Variants in PPP3CA observed in about 807,000 individuals in gnomAD.
The protein encoded by PPP3CA is protein phosphatase 3 catalytic subunit alpha.
In PPP3CA, 14 loss-of-function variants were observed where a neutral mutation model predicts 66.5. The observed-to-expected ratio is 0.21, with a 90% CI of 0.14 to 0.33. The LOEUF (loss-of-function observed/expected upper bound fraction) is 0.33, where lower values mean the gene tolerates loss of function less well. PPP3CA is among the 10% of genes least tolerant of loss of function. The pLI, the probability that PPP3CA is intolerant of heterozygous loss-of-function variation, is 1.00. For synonymous variants in PPP3CA, 232 were observed against 226.2 expected (o/e 1.03, Z -0.23); for missense variants, 317 against 639.5 (o/e 0.50, Z 5.44).
chr4:101,347,343 G>A lies in PPP3CA; in HGVS notation c.-547C>T, dbSNP rs1578209678. 9.8e-6 allele frequency: 2 copies of A among 203,606 alleles called. No homozygotes were observed. Among genetic ancestry groups the A allele is most frequent in the Non-Finnish European group, 9.7e-6 (1 of 102,800 alleles). 12.6% of individuals were successfully genotyped at this position (203,606 alleles called of 1,614,324 possible). Reference sequence around the variant, plus strand: ...CGCCGCTGCTGCCGCTGCTGCTGCCGCTGCCGCTGTTGCTGCTGCCGCTGC... The same window carrying A: ...CGCCGCTGCTGCCGCTGCTGCTGCCACTGCCGCTGTTGCTGCTGCCGCTGC... On this transcript the variant is annotated 5_prime_UTR_variant, in exon 1 of 14. Transcript: ENST00000394854.
At chr4:101,032,910 A>T (rs1727049794) in intron 11 of PPP3CA, among the ~76,000 whole-genome samples, 1 of 152,220 alleles carries the variant, frequency 6.6e-6, no homozygotes, top group Non-Finnish European at 1.5e-5. Context: ...AAAAACACAT[A>T]AAATAATGGC....
chr4:101,040,237 A>G (rs1344739796), intron 11 of PPP3CA, among the ~76,000 whole-genome samples: 3 of 152,228 alleles, frequency 2.0e-5, no homozygotes, highest in African/African-American at 4.8e-5. Flanking sequence ...TATAGCAAAT[A>G]GAGGAATAAA....
chr4:101,154,103 A>G (rs1723231698), intron 2 of PPP3CA, among the ~76,000 whole-genome samples: 1 of 152,198 alleles, frequency 6.6e-6, no homozygotes, highest in Non-Finnish European at 1.5e-5. Flanking sequence ...ATTTGCTTGT[A>G]TATGTCATCC....
intron 1 of PPP3CA, among the ~76,000 whole-genome samples, chr4:101,219,212 G>T (rs187829954): frequency 6.6e-6 from 1 of 151,986 alleles, no homozygotes; most frequent in East Asian, 1.9e-4. Context: ...CATCTGGAAA[G>T]TATACTATGT....
At chr4:101,111,305 A>G (rs1290591638) in intron 2 of PPP3CA, among the ~76,000 whole-genome samples, 1 of 152,170 alleles carries the variant, frequency 6.6e-6, no homozygotes, top group Non-Finnish European at 1.5e-5. Flanking sequence ...GAAGCAAGAC[A>G]TTTCCTTGCA....
Position 101,346,881 on chromosome 4 carries a change from C to CGCCGCA in PPP3CA, c.-86_-85insTGCGGC. ...GACCGGCGGGCCAGACACTCAACGC[C>CGCCGCA]GCCGCCGCCGCCGCCGCCGCCGCGC... is the stretch of plus-strand genomic sequence containing the variant. On this transcript the variant is annotated 5_prime_UTR_variant, in exon 1 of 14. Transcript: ENST00000394854. The CGCCGCA allele has an allele frequency of 7.4e-7, 1 of 1,355,750 alleles. No homozygotes were observed. Among genetic ancestry groups the CGCCGCA allele is most frequent in the Non-Finnish European group, 1.0e-6 (1 of 979,498 alleles). The allele number at this position is 1,355,750 out of a possible 1,614,324, so 84.0% of individuals were successfully genotyped here. A position where few individuals can be genotyped will look rare whatever the true frequency, so the allele number is the denominator to read the frequency against.
intron 2 of PPP3CA, among the ~76,000 whole-genome samples, chr4:101,112,654 T>C (rs1721711453): frequency 6.6e-6 from 1 of 152,148 alleles, no homozygotes; most frequent in South Asian, 2.1e-4. Context: ...TTTCATAGGC[T>C]ACCTTCCTTT....
At chr4:101,346,499 A>G (rs2110347884) in intron 1 of PPP3CA, among the ~76,000 whole-genome samples, 1 of 151,794 alleles carries the variant, frequency 6.6e-6, no homozygotes, top group Admixed American at 6.5e-5. Context: ...CCATTTGCCA[A>G]CTGACGCCCC....
intron 1 of PPP3CA, among the ~76,000 whole-genome samples, chr4:101,270,253 T>C (rs915447924): frequency 2.0e-5 from 3 of 152,124 alleles, no homozygotes; most frequent in Non-Finnish European, 4.4e-5. Flanking sequence ...AGGTCATTCA[T>C]ATGTGTGCAT....
At chr4:101,107,589 C>T (rs983253673) in intron 3 of PPP3CA, among the ~76,000 whole-genome samples, 8 of 152,134 alleles carry the variant, frequency 5.3e-5, no homozygotes, top group Non-Finnish European at 8.8e-5. Flanking sequence ...TAAATGCAGA[C>T]GGTATTATTA....
At chr4:101,080,167 C>T (rs987771800) in intron 8 of PPP3CA, among the ~76,000 whole-genome samples, 2 of 152,008 alleles carry the variant, frequency 1.3e-5, no homozygotes, top group Admixed American at 1.3e-4. Flanking sequence ...TTTCTTGATC[C>T]TTTCCATGGA....
chr4:101,083,637 A>G (rs1729535899), intron 6 of PPP3CA, among the ~76,000 whole-genome samples: 1 of 152,230 alleles, frequency 6.6e-6, no homozygotes, highest in South Asian at 2.1e-4. Flanking sequence ...AATTTTCTCA[A>G]ATATTGCACC....
At chr4:101,337,973 A>G (rs1241501923) in intron 1 of PPP3CA, among the ~76,000 whole-genome samples, 1 of 152,218 alleles carries the variant, frequency 6.6e-6, no homozygotes, top group Non-Finnish European at 1.5e-5. Context: ...GTTATCACCT[A>G]TCGGGGTGTA....
intron 2 of PPP3CA, among the ~76,000 whole-genome samples, chr4:101,113,861 C>A (rs1721756291): frequency 6.6e-6 from 1 of 152,122 alleles, no homozygotes; most frequent in East Asian, 1.9e-4. Flanking sequence ...CCAATGCCAA[C>A]TGATAATACA....
chr4:101,167,809 T>C (rs759376951), intron 2 of PPP3CA, among the ~76,000 whole-genome samples: 1 of 151,952 alleles, frequency 6.6e-6, no homozygotes, highest in Non-Finnish European at 1.5e-5. Flanking sequence ...CTACAGAACA[T>C]GTGTGAGAAA....
intron 1 of PPP3CA, among the ~76,000 whole-genome samples, chr4:101,216,103 C>T (rs3827771): frequency 0.55 from 83,348 of 151,914 alleles, 26,739 homozygotes; most frequent in Non-Finnish European, 0.73. Flanking sequence ...CTAAAAATTA[C>T]GGTGCTTTTT....
chr4:101,315,056 T>C (rs567191502), intron 1 of PPP3CA, among the ~76,000 whole-genome samples: 19 of 152,298 alleles, frequency 1.2e-4, no homozygotes, highest in Middle Eastern at 6.8e-3. Flanking sequence ...TGAAACTTAA[T>C]ACTCAATCTG....
chr4:101,130,648 A>G (rs1384503068), intron 2 of PPP3CA, among the ~76,000 whole-genome samples: 1 of 152,196 alleles, frequency 6.6e-6, no homozygotes, highest in Non-Finnish European at 1.5e-5. Context: ...ATCCAGCCTC[A>G]TAAATGAAGG....
chr4:101,210,888 A>G (rs2110204661), intron 1 of PPP3CA, among the ~76,000 whole-genome samples: 1 of 152,302 alleles, frequency 6.6e-6, no homozygotes, highest in East Asian at 1.9e-4. Context: ...ATATCATCCA[A>G]TTTCATGTTC....
Sources: gnomAD v4.1 joint callset for allele counts (sites outside exome capture counted in the v4.1 genomes callset) on GRCh38, gnomAD v4.1.1 for gene constraint, MANE v1.5 for transcripts, NCBI Gene and HGNC (gene_info 2026-07-23, HGNC 2026-07-21) for gene names.